The following DNAJC10 variants were observed in gnomAD, a reference collection of about 807,000 sequenced individuals.
DNAJC10 encodes endoplasmic reticulum disulfide reductase DNAJC10.
In DNAJC10, 101 loss-of-function variants were observed where a neutral mutation model predicts 115.0. The observed-to-expected ratio is 0.88, with a 90% CI of 0.75 to 1.04. The LOEUF (loss-of-function observed/expected upper bound fraction) is 1.04, where lower values mean the gene tolerates loss of function less well. Among genes scored for constraint, DNAJC10 ranks in the 50% least tolerant of loss-of-function variants. The pLI is 0.00. For missense variants in DNAJC10, 981 were observed against 928.8 expected, an observed-to-expected ratio of 1.06 and a Z score of -0.73; for synonymous variants, 307 against 301.5, an observed-to-expected ratio of 1.02 and a Z score of -0.19.
At chr2:182,762,007 A>G (rs1694297136) in intron 21 of DNAJC10, among the ~76,000 whole-genome samples, 1 of 152,124 alleles carries the variant, frequency 6.6e-6, no homozygotes. Flanking sequence ...CAGTTGCGCA[A>G]TAAGAAGACC....
At chr2:182,730,645 A>G (rs557282117) in intron 8 of DNAJC10, 22 of 414,346 alleles carry the variant, frequency 5.3e-5, no homozygotes, top group Admixed American at 2.4e-4. Flanking sequence ...ATGAATAGGA[A>G]GCCTTAGGAG....
intron 22 of DNAJC10, among the ~76,000 whole-genome samples, chr2:182,768,649 G>A (rs1694477895): frequency 6.6e-6 from 1 of 152,106 alleles, no homozygotes; most frequent in Admixed American, 6.6e-5. Flanking sequence ...ATCCAAATAA[G>A]CAGGTCAGGA....
chr2:182,727,211 T>G (rs1317535011), intron 5 of DNAJC10, among the ~76,000 whole-genome samples: 1 of 149,712 alleles, frequency 6.7e-6, no homozygotes, highest in East Asian at 1.9e-4. Flanking sequence ...ATATCTGAGG[T>G]ATGCCTGTTA....
intron 16 of DNAJC10, chr2:182,752,691 A>G (rs562707686): frequency 1.1e-5 from 4 of 356,022 alleles, no homozygotes; most frequent in Non-Finnish European, 1.5e-5. Context: ...AGTACGTAAT[A>G]TCACGTATAA....
intron 10 of DNAJC10, among the ~76,000 whole-genome samples, chr2:182,733,046 A>G (rs1046212697): frequency 7.9e-5 from 12 of 151,944 alleles, no homozygotes; most frequent in African/African-American, 2.4e-4. Context: ...TAGGTGTAAT[A>G]TATGTTAGGT....
chr2:182,726,239 T>A (rs1200584402), intron 5 of DNAJC10, among the ~76,000 whole-genome samples: 1 of 152,286 alleles, frequency 6.6e-6, no homozygotes, highest in East Asian at 1.9e-4. Context: ...AAGTGGAGCC[T>A]GATTATGTGA....
At chr2:182,765,971 G>A (rs764453244) in intron 22 of DNAJC10, among the ~76,000 whole-genome samples, 5 of 152,138 alleles carry the variant, frequency 3.3e-5, no homozygotes, top group African/African-American at 4.8e-5. Context: ...GCATGTATTA[G>A]GCCTGTGTAA....
chr2:182,722,286 A>G (rs1693169831), intron 5 of DNAJC10, among the ~76,000 whole-genome samples: 1 of 152,216 alleles, frequency 6.6e-6, no homozygotes, highest in Non-Finnish European at 1.5e-5. Flanking sequence ...GTGTAAGTAT[A>G]TATACTAAAT....
chr2:182,766,844 C>T (rs541316645), intron 22 of DNAJC10, among the ~76,000 whole-genome samples: 1 of 151,990 alleles, frequency 6.6e-6, no homozygotes, highest in South Asian at 2.1e-4. Flanking sequence ...CTCTAATCTA[C>T]TTAAGGGGGA....
chr2:182,748,831 G>T (rs1187052446), intron 14 of DNAJC10, among the ~76,000 whole-genome samples: 1 of 151,956 alleles, frequency 6.6e-6, no homozygotes, highest in African/African-American at 2.4e-5. Flanking sequence ...CTTTGAATGC[G>T]TCCCAGAGAT....
At chr2:182,733,002 A>G (rs892516426) in intron 10 of DNAJC10, among the ~76,000 whole-genome samples, 2 of 151,994 alleles carry the variant, frequency 1.3e-5, no homozygotes, top group Admixed American at 1.3e-4. Flanking sequence ...AATTTTGGAA[A>G]TTCTTTGTGA....
chr2:182,758,335 C>T (rs982471693), intron 19 of DNAJC10, among the ~76,000 whole-genome samples: 4 of 152,034 alleles, frequency 2.6e-5, no homozygotes, highest in East Asian at 1.9e-4. Flanking sequence ...CACAACACCA[C>T]GTGGTATTTC....
rs369866299 is a variant in DNAJC10 at position 182,755,048 on chromosome 2, A to G, written c.1597A>G (p.Asn533Asp). Residue 533 changes from asparagine to aspartate, a missense_variant, in exon 17 of 24, where the codon AAC (asparagine) becomes GAC (aspartate). Physicochemically the swap from Asn to Asp is conservative, Grantham distance 23. Transcript: ENST00000264065. ...AACAACAGTGGTATTCAACCAGTCC[A>G]ACATTCATGAGTATGAAGGACATCA... is the stretch of plus-strand genomic sequence containing the variant. ...YPTTVVFNQS[N>D]IHEYEGHHSA... 3.5e-4 allele frequency: 560 copies of G among 1,610,488 alleles called. 5 individuals carry two copies. In the South Asian group the frequency reaches 5.0e-3, roughly 15 times the overall value.
chr2:182,750,116 C>A (rs769134873), intron 14 of DNAJC10, among the ~76,000 whole-genome samples: 19 of 152,228 alleles, frequency 1.2e-4, no homozygotes, highest in Middle Eastern at 3.4e-3. Flanking sequence ...GTCAGTATTA[C>A]TTGGTGACTG....
In DNAJC10 at chr2:182,788,972, G is replaced by C; in HGVS notation, c.*11840G>C. ...TTTTAAAGTAGCATACAGTTCAGTA[G>C]TGTTAAGTAATTTCACATTGTTCAA... On this transcript the variant is annotated 3_prime_UTR_variant, in exon 24 of 24. Coordinates refer to ENST00000264065, the MANE Select transcript of DNAJC10 (RefSeq NM_018981.4). 1 of 300,506 alleles carries C rather than the reference G, an allele frequency of 3.3e-6. No individual in the cohort carries two copies. The highest frequency in any genetic ancestry group is 6.5e-6 in the Non-Finnish European group (1 of 154,548). The allele number at this position is 300,506 out of a possible 1,614,324, so 18.6% of individuals were successfully genotyped here.
In DNAJC10 at chr2:182,790,757, C is replaced by G. The variant is rs1410702339; in HGVS notation, c.*13625C>G. 1 of 150,030 alleles carries G rather than the reference C, an allele frequency of 6.7e-6. No individual in the cohort carries two copies. Among genetic ancestry groups the G allele is most frequent in the South Asian group, 2.1e-4 (1 of 4,740 alleles). The allele number at this position is 150,030 out of a possible 1,614,324, so 9.3% of individuals were successfully genotyped here. ...TGAGCTGAGGTCACGTCACTGTACT[C>G]CAGCCTGGGCAACAAGAGTGAAACT... On this transcript the variant is annotated 3_prime_UTR_variant, in exon 24 of 24. Transcript: ENST00000264065.
chr2:182,736,362 T>C lies in DNAJC10; in HGVS notation c.963T>C (p.Asn321=). The change falls in exon 11 of 24, where the codon AAT becomes AAC. Residue 321 remains asparagine (N), a synonymous_variant. Transcript: ENST00000264065. Reference sequence around the variant, plus strand: ...ATTTTCCTCCTGGAGCCACTTTAAATAACAAAGAGAAAAACAGTATTTTGG... The same window carrying C: ...ATTTTCCTCCTGGAGCCACTTTAAACAACAAAGAGAAAAACAGTATTTTGG... The part of the protein sequence containing the change: ...TAYFPPGATL[N]NKEKNSILFL... 1 of 1,580,704 alleles carries C rather than the reference T, an allele frequency of 6.3e-7. No individual in the cohort carries two copies. Among genetic ancestry groups the C allele is most frequent in the Non-Finnish European group, 8.6e-7 (1 of 1,167,738 alleles).
chr2:182,739,583 G>T, intron 11 of DNAJC10: 1 of 1,208,624 alleles, frequency 8.3e-7, no homozygotes. Context: ...GAGAGAGAGA[G>T]TTATATGACA....
At chr2:182,774,401 T>A (rs1694648846) in intron 22 of DNAJC10, among the ~76,000 whole-genome samples, 1 of 152,230 alleles carries the variant, frequency 6.6e-6, no homozygotes, top group Admixed American at 6.5e-5. Flanking sequence ...ACAGGAACGT[T>A]TAAGTCTGCA....
Sources: gnomAD v4.1 joint callset for allele counts (sites outside exome capture counted in the v4.1 genomes callset) on GRCh38, gnomAD v4.1.1 for gene constraint, MANE v1.5 for transcripts, NCBI Gene and HGNC (gene_info 2026-07-23, HGNC 2026-07-21) for gene names.